The following PCDHGB7 variants were observed in gnomAD, a reference collection of about 807,000 sequenced individuals.
The protein encoded by PCDHGB7 is protocadherin gamma-B7.
A neutral mutation model predicts 61.4 loss-of-function variants in PCDHGB7; 37 were observed. The observed-to-expected ratio is 0.60, with a 90% CI of 0.46 to 0.79. The LOEUF is 0.79. PCDHGB7 is among the 30% of genes least tolerant of loss of function. The pLI is 0.00. For synonymous variants in PCDHGB7, 464 were observed against 503.5 expected (o/e 0.92, Z 1.05); for missense variants, 1,166 against 1,202.5 (o/e 0.97, Z 0.45).
chr5:141,508,723 G>A (rs941469412), intron 3 of PCDHGB7, among the ~76,000 whole-genome samples: 2 of 151,814 alleles, frequency 1.3e-5, no homozygotes, highest in African/African-American at 4.8e-5. Context: ...TGTGTGCAGG[G>A]AGACTACACC....
In PCDHGB7 at chr5:141,487,476, A is replaced by G; in HGVS notation, c.2416-7331A>G. Reference sequence around the variant, plus strand: ...ATCAAGTTTGTTGATGTGGGAGGCCACTCTCATGGCTGTACACCCTTGGCT... The same window carrying G: ...ATCAAGTTTGTTGATGTGGGAGGCCGCTCTCATGGCTGTACACCCTTGGCT... On this transcript the variant is annotated intron_variant, in intron 1 of 3. Transcript: ENST00000398594. The surrounding 1 kb of genome is among the most constrained non-coding windows in gnomAD (Gnocchi z 5.0). The G allele has an allele frequency of 6.2e-7, 1 of 1,614,004 alleles. No homozygotes were observed. Among genetic ancestry groups the G allele is most frequent in the Non-Finnish European group, 8.5e-7 (1 of 1,180,002 alleles).
At position 141,432,203 on chromosome 5, in the gene PCDHGB7, G is replaced by A. The variant is rs1282888078; in HGVS notation, c.2415+11929G>A. The A allele has an allele frequency of 3.1e-6, 5 of 1,614,062 alleles. No homozygotes were observed. The highest frequency in any genetic ancestry group is 1.3e-5 in the African/African-American group (1 of 74,920). ...TGTGACCGCCCACGACCCCGACTGT[G>A]AAGAGAACGCCCAGATCACTTATTC... On this transcript the variant is annotated intron_variant, in intron 1 of 3. Transcript: ENST00000398594. The surrounding 1 kb of genome is among the most constrained non-coding windows in gnomAD (Gnocchi z 6.0).
chr5:141,489,077 C>G lies in PCDHGB7; in HGVS notation c.2416-5730C>G, dbSNP rs957205894. On this transcript the variant is annotated intron_variant, in intron 1 of 3. Coordinates refer to ENST00000398594, the MANE Select transcript of PCDHGB7 (RefSeq NM_018927.4). The surrounding 1 kb of genome is among the most constrained non-coding windows in gnomAD (Gnocchi z 4.5). The stretch of plus-strand genomic sequence containing the variant: ...AGCTCCCCTCCCCCCTGCCCACCCC[C>G]GCCACTCGGTGACTAAGAACTGCTG... 7 of 325,684 alleles carry G rather than the reference C, an allele frequency of 2.1e-5. No homozygotes were observed. Among genetic ancestry groups the G allele is most frequent in the Non-Finnish European group, 3.9e-5 (7 of 181,468 alleles). The allele number at this position is 325,684 out of a possible 1,614,324, so 20.2% of individuals were successfully genotyped here.
At position 141,489,985 on chromosome 5, in the gene PCDHGB7, G is replaced by C. The variant is rs761481986; in HGVS notation, c.2416-4822G>C. ...AACCTTCCAATCCTCAGTTCTACGT[G>C]TGGGAATCCCAGAGAATGCACCCAT... On this transcript the variant is annotated intron_variant, in intron 1 of 3. Coordinates refer to ENST00000398594, the MANE Select transcript of PCDHGB7 (RefSeq NM_018927.4). This position sits in a 1 kb window ranked among gnomAD's most constrained non-coding sequence, Gnocchi z 4.5. 3 of 1,614,212 alleles carry C rather than the reference G, an allele frequency of 1.9e-6. No individual in the cohort carries two copies. The East Asian group carries it at 6.7e-5, about 36-fold the overall frequency.
intron 1 of PCDHGB7, chr5:141,468,497 C>T (rs1033597673): frequency 2.0e-5 from 3 of 152,074 alleles, no homozygotes; most frequent in Non-Finnish European, 4.4e-5. Context: ...GGAAGATTTT[C>T]ATGTGGACAA....
intron 1 of PCDHGB7, among the ~76,000 whole-genome samples, chr5:141,455,899 ATTT>A (rs1561962776): frequency 1.3e-5 from 2 of 148,258 alleles, no homozygotes; most frequent in Non-Finnish European, 3.0e-5. Flanking sequence ...TTATTTATTT[ATTT>A]ATTTATTTAT....
rs1433429634 is a variant in PCDHGB7 at position 141,486,311 on chromosome 5, G to T, written c.2416-8496G>T. 1.2e-6 allele frequency: 2 copies of T among 1,613,956 alleles called. No homozygotes were observed. Among genetic ancestry groups the T allele is most frequent in the African/African-American group, 2.7e-5 (2 of 74,892 alleles). On this transcript the variant is annotated intron_variant, in intron 1 of 3. Transcript: ENST00000398594. The surrounding 1 kb of genome is among the most constrained non-coding windows in gnomAD (Gnocchi z 5.0). The stretch of plus-strand genomic sequence containing the variant: ...TATCAGTGTGCAGGATCCAGACTCA[G>T]GGTCAAACGGAGATGTGAGCCTCCG...
At chr5:141,445,249 G>A (rs1337658576) in intron 1 of PCDHGB7, among the ~76,000 whole-genome samples, 2 of 152,170 alleles carry the variant, frequency 1.3e-5, no homozygotes, top group South Asian at 4.1e-4. Flanking sequence ...ACTATATTGT[G>A]TGAGAATATA....
Position 141,418,563 on chromosome 5 carries a change from C to T in PCDHGB7, c.704C>T (p.Ala235Val). The T allele has an allele frequency of 1.2e-6, 2 of 1,613,998 alleles. No individual in the cohort carries two copies. Among genetic ancestry groups the T allele is most frequent in the Non-Finnish European group, 1.7e-6 (2 of 1,179,888 alleles). ...CAGATAAGAATCCTGGTAATAGATG[C>T]CAATGACAACCCCCCAGTGTTCAGC... ...TAQIRILVID[A>V]NDNPPVFSQD... The change falls in exon 1 of 4, where the codon GCC becomes GTC. Residue 235 changes from alanine to valine, a missense_variant. By Grantham distance (64) the Ala-to-Val change is moderately conservative. Coordinates refer to ENST00000398594, the MANE Select transcript of PCDHGB7 (RefSeq NM_018927.4).
rs2097403311 is a variant in PCDHGB7 at position 141,431,640 on chromosome 5, T to C, written c.2415+11366T>C. 6.2e-7 allele frequency: 1 copy of C among 1,614,094 alleles called. No individual in the cohort carries two copies. The highest frequency in any genetic ancestry group is 8.5e-7 in the Non-Finnish European group (1 of 1,180,040). On this transcript the variant is annotated intron_variant, in intron 1 of 3. Coordinates refer to ENST00000398594, the MANE Select transcript of PCDHGB7 (RefSeq NM_018927.4). This position sits in a 1 kb window ranked among gnomAD's most constrained non-coding sequence, Gnocchi z 4.8. ...GACAAGGCGGCCCAAGTTTTCAAACTAGATTGTAATTCAGGGACAATATCA... is the reference window on the plus strand; with the variant it reads ...GACAAGGCGGCCCAAGTTTTCAAACCAGATTGTAATTCAGGGACAATATCA...
intron 1 of PCDHGB7, among the ~76,000 whole-genome samples, chr5:141,465,205 G>A (rs1460694369): frequency 6.6e-6 from 1 of 151,892 alleles, no homozygotes; most frequent in Admixed American, 6.6e-5. Flanking sequence ...AAAAATATAA[G>A]CTTTATTTTT....
rs151105903 is a variant in PCDHGB7, at chr5:141,419,964, T to A, written c.2105T>A (p.Leu702His). The A allele has an allele frequency of 1.2e-6, 2 of 1,613,964 alleles. No homozygotes were observed. Among genetic ancestry groups the A allele is most frequent in the African/African-American group, 2.7e-5 (2 of 74,950 alleles). ...LVVALALISVLFLLAVILAIA... is the reference protein window; with the variant it reads ...LVVALALISVHFLLAVILAIA... ...GTGGCCTTGGCCTTGATTTCTGTGC[T>A]CTTTCTCCTCGCGGTGATTCTAGCT... The change falls in exon 1 of 4, where the codon CTC (leucine) becomes CAC (histidine). Residue 702 changes from leucine (L) to histidine (H), a missense_variant. Transcript: ENST00000398594.
chr5:141,475,013 G>C (rs950376592), intron 1 of PCDHGB7, among the ~76,000 whole-genome samples: 1 of 152,176 alleles, frequency 6.6e-6, no homozygotes, highest in Non-Finnish European at 1.5e-5. Flanking sequence ...AAAAGTTAAG[G>C]CTCTTTATTC....
Position 141,418,065 on chromosome 5 carries a change from G to T in PCDHGB7, c.206G>T (p.Ser69Ile). 6.2e-7 allele frequency: 1 copy of T among 1,614,064 alleles called. No individual in the cohort carries two copies. The highest frequency in any genetic ancestry group is 2.2e-5 in the East Asian group (1 of 44,884). Residue 69 changes from serine to isoleucine, a missense_variant, in exon 1 of 4, where the codon AGC (serine) becomes ATC (isoleucine). Coordinates refer to ENST00000398594, the MANE Select transcript of PCDHGB7 (RefSeq NM_018927.4). ...LDVSARELRVSAEKLHFSVDA... is the reference protein window; with the variant it reads ...LDVSARELRVIAEKLHFSVDA... ...GTGTCGGCTCGCGAGCTGCGAGTGA[G>T]CGCGGAGAAGCTGCACTTCAGCGTA... is the stretch of plus-strand genomic sequence containing the variant.
At chr5:141,430,909 G>A (rs1054175762) in intron 1 of PCDHGB7, 2 of 1,607,160 alleles carry the variant, frequency 1.2e-6, no homozygotes, top group Non-Finnish European at 1.7e-6. Context: ...ACATCTCCAG[G>A]GACCTGGGGC....
chr5:141,494,736 T>A, intron 1 of PCDHGB7, 71 bp from the exon 2 acceptor site: 2 of 1,611,858 alleles, frequency 1.2e-6, no homozygotes, highest in Non-Finnish European at 1.7e-6. Flanking sequence ...TCCCGGCCCA[T>A]CCCTAGGGGC....
At chr5:141,473,939 C>T (rs1301939679) in intron 1 of PCDHGB7, among the ~76,000 whole-genome samples, 2 of 152,068 alleles carry the variant, frequency 1.3e-5, no homozygotes, top group African/African-American at 2.4e-5. Context: ...TGCAGTAGCT[C>T]AGGCCTGTAG....
At position 141,482,530 on chromosome 5, in the gene PCDHGB7, C is replaced by CAA. The variant is rs3074545; in HGVS notation, c.2416-12259_2416-12258dup. ...CAGAGTACAGTATGAGACAGACATG[C>CAA]AAAAAAAAAAAAAAAAAAAGATAAT... On this transcript the variant is annotated intron_variant, in intron 1 of 3. Transcript: ENST00000398594. Among the ~76,000 whole-genome samples the CAA allele has an allele frequency of 5.5e-3, 422 of 76,516 alleles. 18 individuals are homozygous for CAA. Among genetic ancestry groups the CAA allele is most frequent in the African/African-American group, 0.016 (343 of 20,862 alleles). The allele number at this position is 76,516 out of a possible 152,430, so 50.2% of individuals were successfully genotyped here.
chr5:141,463,548 A>C (rs2099063677), intron 1 of PCDHGB7, among the ~76,000 whole-genome samples: 1 of 140,798 alleles, frequency 7.1e-6, no homozygotes, highest in Non-Finnish European at 1.5e-5. Context: ...TCCCGGGTTC[A>C]TGCCATTCTC....
Sources: gnomAD v4.1 joint callset for allele counts (sites outside exome capture counted in the v4.1 genomes callset) on GRCh38, gnomAD v4.1.1 for gene constraint, Gnocchi (gnomAD v3.1) non-coding constraint, MANE v1.5 for transcripts, NCBI Gene and HGNC (gene_info 2026-07-23, HGNC 2026-07-21) for gene names.